Variants in IGSF10 observed in about 807,000 individuals in gnomAD.
The protein encoded by IGSF10 is calvaria mechanical force protein 608.
IGSF10 carries 126 observed loss-of-function variants against 128.2 expected under a neutral mutation model. That is an observed-to-expected ratio of 0.98 (90% CI 0.85 to 1.14). The LOEUF is 1.14. Among genes scored for constraint, IGSF10 ranks in the 50% most tolerant of loss-of-function variants. IGSF10 has a pLI of 0.00. For missense variants in IGSF10, 3,295 were observed against 3,149.8 expected, an observed-to-expected ratio of 1.05 and a Z score of -1.10; for synonymous variants, 1,185 against 1,146.2, an observed-to-expected ratio of 1.03 and a Z score of -0.68.
rs1720429518 is a variant in IGSF10, at chr3:151,437,407, C to T, written c.7154G>A (p.Ser2385Asn). The change falls in exon 8 of 8, where the codon AGT becomes AAT. Residue 2385 changes from serine to asparagine, a missense_variant. Physicochemically the swap from Ser to Asn is conservative, Grantham distance 46. Coordinates refer to ENST00000282466, the MANE Select transcript of IGSF10 (RefSeq NM_178822.5). ...NGTRFSNGPQSYQYLIASNGS... is the reference protein window; with the variant it reads ...NGTRFSNGPQNYQYLIASNGS... ...ATTGCTTGCTATCAGATACTGATAA[C>T]TTTGTGGTCCATTGGAAAATCGTGT... The T allele has an allele frequency of 5.6e-6, 9 of 1,614,188 alleles. No individual in the cohort carries two copies. The highest frequency in any genetic ancestry group is 1.6e-4 in the Middle Eastern group (1 of 6,062).
the IGSF10 span, among the ~76,000 whole-genome samples, chr3:151,541,547 A>G: frequency 1.1e-4 from 16 of 152,324 alleles, no homozygotes; most frequent in Admixed American, 1.0e-3. Context: ...TGTATTTTAA[A>G]GTTGACACTA....
chr3:151,529,295 C>T, the IGSF10 span, among the ~76,000 whole-genome samples: 3 of 152,212 alleles, frequency 2.0e-5, no homozygotes, highest in Admixed American at 1.3e-4. Context: ...CAGATGTAAA[C>T]GTCCCTGCCT....
the IGSF10 span, among the ~76,000 whole-genome samples, chr3:151,614,472 C>T: frequency 6.6e-6 from 1 of 152,152 alleles, no homozygotes; most frequent in African/African-American, 2.4e-5. Context: ...ACATATATAC[C>T]ATGGGATACT....
Position 151,446,679 on chromosome 3 carries a change from T to C in IGSF10, c.3302A>G (p.Glu1101Gly). 6.2e-7 allele frequency: 1 copy of C among 1,614,086 alleles called. No individual in the cohort carries two copies. The highest frequency in any genetic ancestry group is 8.5e-7 in the Non-Finnish European group (1 of 1,179,962). The change falls in exon 6 of 8, where the codon GAG becomes GGG. Residue 1101 changes from glutamate (E) to glycine (G), a missense_variant. Transcript: ENST00000282466. ...KADIARVPSEESTTLVQNPLL... is the reference protein window; with the variant it reads ...KADIARVPSEGSTTLVQNPLL... ...TGGATTCTGGACTAGAGTTGTAGAC[T>C]CTTCTGATGGGACTCTAGCAATGTC... is the stretch of plus-strand genomic sequence containing the variant.
the IGSF10 span, among the ~76,000 whole-genome samples, chr3:151,540,983 A>G: frequency 6.6e-6 from 1 of 152,186 alleles, no homozygotes; most frequent in Non-Finnish European, 1.5e-5. Context: ...TTACAGAAGA[A>G]ATTATTGGAA....
chr3:151,507,949 GATCT>G, the IGSF10 span, among the ~76,000 whole-genome samples: 72,071 of 151,866 alleles, frequency 0.47, 17,658 homozygotes, highest in African/African-American at 0.59. Context: ...TTTAGATCTA[GATCT>G]ATCAATAAAT....
intron 2 of IGSF10, among the ~76,000 whole-genome samples, chr3:151,459,127 TAAAAC>T (rs1408937225): frequency 6.6e-6 from 1 of 152,194 alleles, no homozygotes; most frequent in Non-Finnish European, 1.5e-5. Context: ...CTGTGCATAA[TAAAAC>T]ATTTGGAAAC....
At position 151,453,712 on chromosome 3, in the gene IGSF10, C is replaced by T. The variant is rs1297774826; in HGVS notation, c.387G>A (p.Arg129=). The change falls in exon 5 of 8, where the codon AGG becomes AGA. Residue 129 remains arginine, a synonymous_variant. Transcript: ENST00000282466. ...KLQKDTFYGL[R]SLTRLHMDHN... ...GGTCCATGTGCAATCGTGTCAAGCT[C>T]CTGAGGCCATAAAAAGTATCTTTCT... 6.2e-7 allele frequency: 1 copy of T among 1,605,448 alleles called. No individual in the cohort carries two copies. The highest frequency in any genetic ancestry group is 8.5e-7 in the Non-Finnish European group (1 of 1,175,432).
In IGSF10 at chr3:151,446,483, A is replaced by G. The variant is rs1466494220; in HGVS notation, c.3498T>C (p.Ser1166=). The G allele has an allele frequency of 8.7e-6, 14 of 1,614,210 alleles. No homozygotes were observed. The highest frequency in any genetic ancestry group is 1.1e-5 in the Non-Finnish European group (13 of 1,180,044). ...AATCTCTTTTAGCTTCATTGGTGCT[A>G]GACACACGTGGGTAACTGGCGTTTA... ...HKVNASYPRV[S]STNEAKRDSV... is the part of the protein sequence containing the mutation. The change falls in exon 6 of 8, where the codon TCT becomes TCC. Residue 1166 remains serine, a synonymous_variant. Transcript: ENST00000282466.
In IGSF10 at chr3:151,436,675, TTTA is replaced by T. The variant is rs749566162; in HGVS notation, c.*11_*13del. The T allele has an allele frequency of 2.0e-5, 31 of 1,552,286 alleles. No individual in the cohort carries two copies. The Middle Eastern group carries it at 8.9e-4, about 45-fold the overall frequency. Reference sequence around the variant, plus strand: ...TAAATTCTGCCCAGATGTTGTTGACTTTATTATTTCATGTCAGATTACTTGAAT... The same window carrying T: ...TAAATTCTGCCCAGATGTTGTTGACTTTATTTCATGTCAGATTACTTGAAT... On this transcript the variant is annotated 3_prime_UTR_variant, in exon 8 of 8. Transcript: ENST00000282466.
At chr3:151,555,749 A>G in the IGSF10 span, among the ~76,000 whole-genome samples, 1 of 152,204 alleles carries the variant, frequency 6.6e-6, no homozygotes, top group African/African-American at 2.4e-5. Context: ...TGCCTCTGTA[A>G]CAATGTGCAG....
chr3:151,450,414 G>T (rs1190799135), intron 5 of IGSF10, among the ~76,000 whole-genome samples: 1 of 152,108 alleles, frequency 6.6e-6, no homozygotes, highest in East Asian at 1.9e-4. Flanking sequence ...CTTCCCATGT[G>T]TGCACATGTC....
the IGSF10 span, among the ~76,000 whole-genome samples, chr3:151,612,802 G>C: frequency 5.9e-5 from 9 of 152,108 alleles, no homozygotes; most frequent in Non-Finnish European, 1.2e-4. Context: ...GCAAAGGACA[G>C]ATACTTTTGA....
chr3:151,442,380 A>ATTTTTTTTT (rs3975405), intron 7 of IGSF10, among the ~76,000 whole-genome samples: 2 of 124,538 alleles, frequency 1.6e-5, no homozygotes, highest in African/African-American at 6.3e-5. Context: ...TACAATTACT[A>ATTTTTTTTT]TTTTTTTTTT....
the IGSF10 span, among the ~76,000 whole-genome samples, chr3:151,577,599 C>T: frequency 6.6e-6 from 1 of 151,992 alleles, no homozygotes; most frequent in African/African-American, 2.4e-5. Flanking sequence ...TATTGAGGGG[C>T]TTCTCTGAGA....
At chr3:151,577,311 G>A in the IGSF10 span, among the ~76,000 whole-genome samples, 1 of 152,092 alleles carries the variant, frequency 6.6e-6, no homozygotes, top group Admixed American at 6.6e-5. Context: ...GGAAGAACCC[G>A]GATTTGGGAT....
the IGSF10 span, among the ~76,000 whole-genome samples, chr3:151,493,852 AAAAC>A: frequency 0.51 from 77,515 of 151,370 alleles, 20,655 homozygotes; most frequent in African/African-American, 0.66. Context: ...TTTTGTTTAA[AAAAC>A]AAACAAACAA....
upstream of IGSF10, chr3:151,461,570 A>C: frequency 2.5e-4 from 90 of 355,588 alleles, no homozygotes; most frequent in East Asian, 5.7e-4. Context: ...CCATCATCTC[A>C]CATAGTTACC....
chr3:151,546,221 G>T, the IGSF10 span, among the ~76,000 whole-genome samples: 1 of 152,020 alleles, frequency 6.6e-6, no homozygotes, highest in Admixed American at 6.6e-5. Context: ...GGTGATATTA[G>T]CATGCAGCGA....
Sources: gnomAD v4.1 joint callset for allele counts (sites outside exome capture counted in the v4.1 genomes callset) on GRCh38, gnomAD v4.1.1 for gene constraint, MANE v1.5 for transcripts, NCBI Gene and HGNC (gene_info 2026-07-23, HGNC 2026-07-21) for gene names.